TMEM117: variants seen among roughly 807,000 people sequenced by gnomAD.
The protein encoded by TMEM117 is transmembrane protein 117.
Under a neutral mutation model 52.4 loss-of-function variants are expected in TMEM117, and 27 were observed. The observed-to-expected ratio is 0.51, with a 90% CI of 0.38 to 0.71. TMEM117 has a LOEUF of 0.71. TMEM117 is among the 30% of genes least tolerant of loss of function. The pLI is 0.00. For missense variants in TMEM117, 556 were observed against 630.5 expected (o/e 0.88, Z 1.26); for synonymous variants, 215 against 206.3 (o/e 1.04, Z -0.36).
chr12:44,151,793 C>T (rs1948729301), intron 4 of TMEM117, among the ~76,000 whole-genome samples: 1 of 144,294 alleles, frequency 6.9e-6, no homozygotes, highest in African/African-American at 2.6e-5. Context: ...TTTAGTGCCT[C>T]TTGTGGGCCG....
At chr12:44,190,878 T>C (rs1436055737) in intron 4 of TMEM117, among the ~76,000 whole-genome samples, 1 of 148,300 alleles carries the variant, frequency 6.7e-6, no homozygotes, top group African/African-American at 2.5e-5. Flanking sequence ...GAGAGATACA[T>C]ACATACATAT....
downstream of TMEM117, among the ~76,000 whole-genome samples, chr12:44,392,976 C>T (rs1186434273): frequency 6.6e-6 from 1 of 152,042 alleles, no homozygotes; most frequent in Admixed American, 6.6e-5. Flanking sequence ...AGCATATTAT[C>T]AGCATATAAA....
chr12:44,017,899 A>G (rs2137825565), intron 3 of TMEM117, among the ~76,000 whole-genome samples: 1 of 151,132 alleles, frequency 6.6e-6, no homozygotes, highest in Admixed American at 6.6e-5. Context: ...CATTGAAATG[A>G]CAGAGTTTTG....
rs1239034268 is a variant in TMEM117, at chr12:43,912,534, T to TATATATATATATATATATATAA, written c.278-31674_278-31673insATATATATATATATATATAAAT. Among the ~76,000 whole-genome samples the TATATATATATATATATATATAA allele has an allele frequency of 3.4e-4, 44 of 130,058 alleles. 2 individuals carry two copies. The highest frequency in any genetic ancestry group is 1.2e-3 in the African/African-American group (43 of 34,862). 85.3% of individuals were successfully genotyped at this position (130,058 alleles called of 152,430 possible). On this transcript the variant is annotated intron_variant, in intron 2 of 7. Transcript: ENST00000266534. Reference sequence around the variant, plus strand: ...ATATATATATATATATATATATATATATGGCAGAATGAAAGCTCCATGTGG... The same window carrying TATATATATATATATATATATAA: ...ATATATATATATATATATATATATATATATATATATATATATATATAAATGGCAGAATGAAAGCTCCATGTGG...
rs1203703343 is a variant in TMEM117, at chr12:44,102,719, A to G, written c.411-40806A>G. Among the ~76,000 whole-genome samples the G allele has an allele frequency of 3.3e-5, 5 of 151,946 alleles. No homozygotes were observed. In the East Asian group the frequency reaches 7.7e-4, roughly 23 times the overall value. ...TCCTCATATTTTTTGGTTGGCGTAAATATTTTGGATAAGAGGATGATATGG... is the reference window on the plus strand; with the variant it reads ...TCCTCATATTTTTTGGTTGGCGTAAGTATTTTGGATAAGAGGATGATATGG... On this transcript the variant is annotated intron_variant, in intron 3 of 7. Coordinates refer to ENST00000266534, the MANE Select transcript of TMEM117 (RefSeq NM_032256.3).
At chr12:43,861,242 C>T (rs1011605267) in intron 2 of TMEM117, among the ~76,000 whole-genome samples, 4 of 152,024 alleles carry the variant, frequency 2.6e-5, no homozygotes, top group Non-Finnish European at 4.4e-5. Flanking sequence ...CTCTCAGATC[C>T]CCCCATAGAG....
chr12:44,174,172 A>T (rs1396937929), intron 4 of TMEM117, among the ~76,000 whole-genome samples: 2 of 151,964 alleles, frequency 1.3e-5, no homozygotes, highest in Non-Finnish European at 2.9e-5. Flanking sequence ...TGTGAATATC[A>T]TTTTTTTTAA....
intron 2 of TMEM117, among the ~76,000 whole-genome samples, chr12:43,854,446 T>C (rs1425406047): frequency 6.8e-6 from 1 of 146,282 alleles, no homozygotes; most frequent in Admixed American, 6.8e-5. Flanking sequence ...GTGATTATCC[T>C]ACTGAAAAAA....
At chr12:44,378,468 T>G (rs1421829097) in intron 7 of TMEM117, among the ~76,000 whole-genome samples, 1 of 152,216 alleles carries the variant, frequency 6.6e-6, no homozygotes, top group Non-Finnish European at 1.5e-5. Flanking sequence ...AAGGGGGCTA[T>G]GCATGCAGAG....
chr12:44,107,498 G>A (rs1947977746), intron 3 of TMEM117, among the ~76,000 whole-genome samples: 2 of 152,052 alleles, frequency 1.3e-5, no homozygotes, highest in African/African-American at 4.8e-5. Flanking sequence ...ACATTTAATT[G>A]AAGACTCATT....
intron 3 of TMEM117, among the ~76,000 whole-genome samples, chr12:44,139,103 C>T (rs1948533764): frequency 6.6e-6 from 1 of 152,072 alleles, no homozygotes; most frequent in African/African-American, 2.4e-5. Context: ...TTATGTTGTC[C>T]AAACATGGCT....
At chr12:43,838,533 TC>T (rs2137339691) in intron 1 of TMEM117, among the ~76,000 whole-genome samples, 1 of 141,900 alleles carries the variant, frequency 7.0e-6, no homozygotes, top group South Asian at 2.2e-4. Flanking sequence ...AATGGAGTCT[TC>T]CAGTTTTTTT....
At chr12:43,973,026 A>G (rs1945616496) in intron 3 of TMEM117, among the ~76,000 whole-genome samples, 1 of 152,202 alleles carries the variant, frequency 6.6e-6, no homozygotes, top group Admixed American at 6.5e-5. Flanking sequence ...CAAAGCTCTC[A>G]TAATATGAAG....
chr12:44,372,502 A>C (rs73090675), intron 6 of TMEM117, among the ~76,000 whole-genome samples: 1 of 152,034 alleles, frequency 6.6e-6, no homozygotes, highest in African/African-American at 2.4e-5. Context: ...TTAGAAGCCA[A>C]CTATCCCTGG....
intron 3 of TMEM117, among the ~76,000 whole-genome samples, chr12:44,126,604 G>C (rs750316295): frequency 6.6e-6 from 1 of 152,182 alleles, no homozygotes; most frequent in Non-Finnish European, 1.5e-5. Flanking sequence ...ACATTGTACA[G>C]TGTTTCTCAT....
At chr12:44,149,304 G>C (rs1056506995) in intron 4 of TMEM117, among the ~76,000 whole-genome samples, 1 of 152,044 alleles carries the variant, frequency 6.6e-6, no homozygotes, top group Non-Finnish European at 1.5e-5. Context: ...ATAGAAAATT[G>C]GTTAAATTTC....
At chr12:44,299,286 G>T (rs536650482) in intron 5 of TMEM117, among the ~76,000 whole-genome samples, 1 of 151,868 alleles carries the variant, frequency 6.6e-6, no homozygotes, top group East Asian at 1.9e-4. Flanking sequence ...GCACACCACT[G>T]CGTTTGGCTA....
chr12:44,234,729 G>T (rs1043255233), intron 5 of TMEM117, among the ~76,000 whole-genome samples: 1 of 150,974 alleles, frequency 6.6e-6, no homozygotes, highest in Admixed American at 6.6e-5. Context: ...CAGTATCTAA[G>T]TATTACTTTA....
chr12:43,960,090 C>CT (rs1476004635), intron 3 of TMEM117, among the ~76,000 whole-genome samples: 2 of 152,132 alleles, frequency 1.3e-5, no homozygotes, highest in African/African-American at 4.8e-5. Flanking sequence ...TGGAGTGGTG[C>CT]TTTAGATAAT....
Sources: allele counts gnomAD v4.1 joint callset (sites outside exome capture counted in the v4.1 genomes callset), GRCh38; gene constraint gnomAD v4.1.1; transcripts MANE v1.5; gene names NCBI Gene and HGNC (gene_info 2026-07-23, HGNC 2026-07-21).